GLG1: variants seen among roughly 807,000 people sequenced by gnomAD.
GLG1 encodes the protein Golgi apparatus protein 1.
Under a neutral mutation model 160.5 loss-of-function variants are expected in GLG1, and 38 were observed. The observed-to-expected ratio is 0.24, with a 90% CI of 0.18 to 0.31. The LOEUF (loss-of-function observed/expected upper bound fraction) is 0.31. GLG1 is among the 10% of genes least tolerant of loss of function. GLG1 has a pLI of 1.00. For synonymous variants in GLG1, 644 were observed against 543.4 expected, an observed-to-expected ratio of 1.19 and a Z score of -2.57; for missense variants, 1,373 against 1,505.2, an observed-to-expected ratio of 0.91 and a Z score of 1.45.
intron 1 of GLG1, among the ~76,000 whole-genome samples, chr16:74,570,567 C>G (rs1340152846): frequency 6.6e-6 from 1 of 152,058 alleles, no homozygotes; most frequent in Non-Finnish European, 1.5e-5. Context: ...GAAAGCACAG[C>G]CCTTTGAATG....
At position 74,456,759 on chromosome 16, in the gene GLG1, T is replaced by G. The variant is rs767965450; in HGVS notation, c.3266-4A>C. ...GCTTCCATGAGACAGGACATTTCTGTGGGAGGAAATGAATAATAAGAAGAA... is the reference window on the plus strand; with the variant it reads ...GCTTCCATGAGACAGGACATTTCTGGGGGAGGAAATGAATAATAAGAAGAA... On this transcript the variant is annotated splice_region_variant and splice_polypyrimidine_tract_variant and intron_variant, in intron 24 of 25. Coordinates refer to ENST00000422840, the MANE Select transcript of GLG1 (RefSeq NM_001145667.2). 5 of 1,532,884 alleles carry G rather than the reference T, an allele frequency of 3.3e-6. No individual in the cohort carries two copies. The highest frequency in any genetic ancestry group is 4.5e-6 in the Non-Finnish European group (5 of 1,106,006). The allele number at this position is 1,532,884 out of a possible 1,614,324, so 95.0% of individuals were successfully genotyped here.
intron 8 of GLG1, among the ~76,000 whole-genome samples, chr16:74,486,288 A>C (rs987254946): frequency 1.3e-5 from 2 of 152,222 alleles, no homozygotes; most frequent in Non-Finnish European, 2.9e-5. Flanking sequence ...AGAGTAAATA[A>C]AGAACATTTT....
chr16:74,499,605 A>G (rs191110707), intron 4 of GLG1, among the ~76,000 whole-genome samples: 2 of 152,326 alleles, frequency 1.3e-5, no homozygotes, highest in East Asian at 3.9e-4. Context: ...CACAGTGATC[A>G]ACTTGCCTAA....
chr16:74,489,926 C>G (rs7199205), intron 8 of GLG1, among the ~76,000 whole-genome samples: 1,835 of 152,240 alleles, frequency 0.012, 39 homozygotes, highest in African/African-American at 0.042. Context: ...CTGTAAAAAT[C>G]TGATTTTACA....
At chr16:74,471,391 C>T in intron 14 of GLG1, 105 bp from the exon 15 acceptor site, 1 of 691,728 alleles carries the variant, frequency 1.4e-6, no homozygotes. Flanking sequence ...TAGAAGCCCT[C>T]ACAAAAAAAA....
chr16:74,565,861 G>C (rs921970917), intron 1 of GLG1, among the ~76,000 whole-genome samples: 5 of 152,302 alleles, frequency 3.3e-5, no homozygotes, highest in South Asian at 2.1e-4. Flanking sequence ...GTTTGGTTTA[G>C]GTTTGGTTTT....
chr16:74,489,005 A>G (rs1415678855), intron 8 of GLG1, among the ~76,000 whole-genome samples: 1 of 152,184 alleles, frequency 6.6e-6, no homozygotes, highest in Non-Finnish European at 1.5e-5. Context: ...TTTCTTCTGG[A>G]CACACAGGGT....
intron 8 of GLG1, among the ~76,000 whole-genome samples, chr16:74,490,442 C>G (rs1463879228): frequency 6.6e-6 from 1 of 152,210 alleles, no homozygotes; most frequent in Non-Finnish European, 1.5e-5. Context: ...AATGGCTCTT[C>G]CATGCATAGT....
intron 7 of GLG1, among the ~76,000 whole-genome samples, chr16:74,492,487 C>T (rs1379665120): frequency 1.3e-5 from 2 of 150,762 alleles, no homozygotes; most frequent in East Asian, 2.0e-4. Flanking sequence ...TTTTGAGACC[C>T]GGGATGCCAA....
At chr16:74,587,695 G>A (rs1319292305) in intron 1 of GLG1, among the ~76,000 whole-genome samples, 1 of 151,998 alleles carries the variant, frequency 6.6e-6, no homozygotes, top group Non-Finnish European at 1.5e-5. Context: ...GTGAAACCCC[G>A]TCTCCACTAA....
Position 74,452,807 on chromosome 16 carries a change from A to ATT in GLG1, c.*358_*359dup. Reference sequence around the variant, plus strand: ...TATATACATTTTTTTCTTTAAAAAAATTTTTTTTTTTGGTGGTTTTCTTAA... The same window carrying ATT: ...TATATACATTTTTTTCTTTAAAAAAATTTTTTTTTTTTTGGTGGTTTTCTTAA... On this transcript the variant is annotated 3_prime_UTR_variant, in exon 26 of 26. Coordinates refer to ENST00000422840, the MANE Select transcript of GLG1 (RefSeq NM_001145667.2). 1.1e-5 allele frequency: 9 copies of ATT among 805,888 alleles called. No individual in the cohort carries two copies. Among genetic ancestry groups the ATT allele is most frequent in the East Asian group, 2.1e-4 (2 of 9,322 alleles). 49.9% of individuals were successfully genotyped at this position (805,888 alleles called of 1,614,324 possible). A position where few individuals can be genotyped will look rare whatever the true frequency, so the allele number is the denominator to read the frequency against.
At chr16:74,517,605 C>T (rs2017019423) in intron 2 of GLG1, among the ~76,000 whole-genome samples, 1 of 152,086 alleles carries the variant, frequency 6.6e-6, no homozygotes, top group Non-Finnish European at 1.5e-5. Context: ...ACTGAATGGG[C>T]AAAAACTAGA....
chr16:74,473,192 A>T (rs2015268176), intron 13 of GLG1, among the ~76,000 whole-genome samples: 2 of 151,834 alleles, frequency 1.3e-5, no homozygotes, highest in Non-Finnish European at 2.9e-5. Context: ...CCAGTGCTTT[A>T]TGAGGGTTTC....
At chr16:74,536,562 G>C (rs1370219253) in intron 1 of GLG1, among the ~76,000 whole-genome samples, 1 of 152,152 alleles carries the variant, frequency 6.6e-6, no homozygotes, top group African/African-American at 2.4e-5. Context: ...ACTTGAGATA[G>C]GCCTAAAGAA....
At chr16:74,484,421 C>T (rs2015718611) in intron 9 of GLG1, among the ~76,000 whole-genome samples, 1 of 152,060 alleles carries the variant, frequency 6.6e-6, no homozygotes, top group Non-Finnish European at 1.5e-5. Context: ...CTGCCTCAGA[C>T]TCCCGAGTAA....
At chr16:74,537,880 G>A (rs1013905753) in intron 1 of GLG1, among the ~76,000 whole-genome samples, 2 of 151,738 alleles carry the variant, frequency 1.3e-5, no homozygotes, top group Non-Finnish European at 1.5e-5. Context: ...ATCAACTACC[G>A]CATTCACTTA....
At chr16:74,528,578 G>A (rs1294015637) in intron 2 of GLG1, among the ~76,000 whole-genome samples, 1 of 151,774 alleles carries the variant, frequency 6.6e-6, no homozygotes, top group Admixed American at 6.6e-5. Flanking sequence ...TTGGCAAGTC[G>A]AGGCGGGTGG....
Position 74,496,699 on chromosome 16 carries a change from AAAC to A in GLG1, c.775-58_775-56del, listed in dbSNP as rs1331588190. ...AACTTTTATCACATGGGTTTCAAAT[AAAC>A]AACATTTGGCTACACACACACACAC... On this transcript the variant is annotated intron_variant, in intron 4 of 25. Coordinates refer to ENST00000422840, the MANE Select transcript of GLG1 (RefSeq NM_001145667.2). 1.5e-4 allele frequency: 159 copies of A among 1,084,770 alleles called. 1 individual carries two copies. Among genetic ancestry groups the A allele is most frequent in the Admixed American group, 3.8e-4 (22 of 57,330 alleles). 67.2% of individuals were successfully genotyped at this position (1,084,770 alleles called of 1,614,324 possible). A position where few individuals can be genotyped will look rare whatever the true frequency, so the allele number is the denominator to read the frequency against.
chr16:74,510,913 TA>T (rs1018812476), intron 2 of GLG1, among the ~76,000 whole-genome samples: 1 of 152,152 alleles, frequency 6.6e-6, no homozygotes, highest in African/African-American at 2.4e-5. Context: ...AGGGAAGATT[TA>T]CCATAGAAAA....
Sources: gnomAD v4.1 joint callset for allele counts (sites outside exome capture counted in the v4.1 genomes callset) on GRCh38, gnomAD v4.1.1 for gene constraint, MANE v1.5 for transcripts, NCBI Gene and HGNC (gene_info 2026-07-23, HGNC 2026-07-21) for gene names.